KMT2E: variants seen among roughly 807,000 people sequenced by gnomAD.
KMT2E encodes the protein lysine methyltransferase 2E (inactive), also known as histone reader KMT2E.
In KMT2E, 30 loss-of-function variants were observed where a neutral mutation model predicts 184.6. The observed-to-expected ratio is 0.16, with a 90% confidence interval of 0.12 to 0.22. The LOEUF is 0.22. Among genes scored for constraint, KMT2E ranks in the 10% least tolerant of loss-of-function variants. The pLI is 1.00. For synonymous variants in KMT2E, 815 were observed against 776.5 expected (o/e 1.05, Z -0.82); for missense variants, 2,023 against 2,237.4 (o/e 0.90, Z 1.93).
At chr7:105,043,170 C>T (rs1795953020) in intron 3 of KMT2E, among the ~76,000 whole-genome samples, 1 of 152,008 alleles carries the variant, frequency 6.6e-6, no homozygotes, top group African/African-American at 2.4e-5. Flanking sequence ...TAAATGCCTC[C>T]TCAATTTAAT....
chr7:105,049,680 C>A (rs1314552113), intron 3 of KMT2E, among the ~76,000 whole-genome samples: 1 of 152,100 alleles, frequency 6.6e-6, no homozygotes, highest in Admixed American at 6.6e-5. Flanking sequence ...CACCTGAGAT[C>A]AGGAATTCGA....
chr7:105,113,429 C>A lies in KMT2E; in HGVS notation c.*96C>A, dbSNP rs1284750443. 3.8e-6 allele frequency: 5 copies of A among 1,321,080 alleles called. No homozygotes were observed. Among genetic ancestry groups the A allele is most frequent in the Non-Finnish European group, 5.0e-6 (5 of 992,478 alleles). 81.8% of individuals were successfully genotyped at this position (1,321,080 alleles called of 1,614,324 possible). On this transcript the variant is annotated 3_prime_UTR_variant, in exon 27 of 27. Transcript: ENST00000311117. ...GTACTTTTTAAAGCTTGTACATGAA[C>A]CTTTGTATAAAAAACACCAGTGCTC...
chr7:105,109,298 G>T, intron 23 of KMT2E, 70 bp downstream of exon 23: 1 of 1,476,502 alleles, frequency 6.8e-7, no homozygotes, highest in African/African-American at 1.4e-5. Flanking sequence ...CCTATTTGTT[G>T]TTCTCCCAAG....
chr7:105,099,897 A>G (rs1002847778), intron 15 of KMT2E, among the ~76,000 whole-genome samples: 1 of 152,230 alleles, frequency 6.6e-6, no homozygotes, highest in Non-Finnish European at 1.5e-5. Flanking sequence ...CCTCTTCTAC[A>G]TTCAGGGTTT....
rs753925318 is a variant in KMT2E at position 105,112,247 on chromosome 7, A to G, written c.4491A>G (p.Arg1497=). The G allele has an allele frequency of 6.2e-7, 1 of 1,614,146 alleles. No individual in the cohort carries two copies. Among genetic ancestry groups the G allele is most frequent in the East Asian group, 2.2e-5 (1 of 44,884 alleles). The change falls in exon 27 of 27, where the codon AGA becomes AGG. Residue 1497 remains arginine (R), a synonymous_variant. Transcript: ENST00000311117. ...GAACACCTCAGCGAGAGCCTCAAAG[A>G]AACTTTTATCCAGCAGCACAGAACC... ...QVGTPQREPQ[R]NFYPAAQNLP... is the part of the protein sequence containing the mutation.
At chr7:105,088,209 G>A (rs1392440293) in intron 13 of KMT2E, among the ~76,000 whole-genome samples, 5 of 152,098 alleles carry the variant, frequency 3.3e-5, no homozygotes, top group Non-Finnish European at 7.3e-5. Flanking sequence ...TCATCACTTT[G>A]TGCTGCATTA....
intron 12 of KMT2E, among the ~76,000 whole-genome samples, chr7:105,079,568 C>T (rs1367051733): frequency 8.9e-6 from 1 of 112,668 alleles, no homozygotes; most frequent in Non-Finnish European, 1.6e-5. Flanking sequence ...GTCTCCCAGG[C>T]TGGAGTGTGG....
intron 1 of KMT2E, among the ~76,000 whole-genome samples, chr7:105,024,809 G>A (rs894023838): frequency 9.9e-5 from 15 of 152,102 alleles, no homozygotes; most frequent in African/African-American, 3.6e-4. Context: ...TAAAAGGCAG[G>A]CCACTATTTT....
At chr7:105,064,886 A>C (rs1370863476) in intron 5 of KMT2E, among the ~76,000 whole-genome samples, 2 of 152,168 alleles carry the variant, frequency 1.3e-5, no homozygotes, top group East Asian at 3.9e-4. Flanking sequence ...GATAAATTAC[A>C]TACTTTGGTA....
chr7:105,110,937 A>G (rs2129570106), intron 26 of KMT2E, 69 bp downstream of exon 26: 2 of 1,056,158 alleles, frequency 1.9e-6, no homozygotes, highest in Middle Eastern at 2.0e-4. Context: ...TGATGGTTAT[A>G]ATATGCAGTG....
chr7:105,035,776 C>T (rs1313851541), intron 1 of KMT2E, among the ~76,000 whole-genome samples: 1 of 151,820 alleles, frequency 6.6e-6, no homozygotes, highest in Non-Finnish European at 1.5e-5. Context: ...CCAGGCTGGT[C>T]TCGAACTTCT....
intron 3 of KMT2E, among the ~76,000 whole-genome samples, chr7:105,056,570 C>A (rs530180584): frequency 6.6e-6 from 1 of 152,096 alleles, no homozygotes; most frequent in Non-Finnish European, 1.5e-5. Context: ...TAGTAAATTT[C>A]TTTTACTAGG....
At chr7:105,081,625 T>C in intron 12 of KMT2E, 63 bp from the exon 13 acceptor site, 1 of 820,010 alleles carries the variant, frequency 1.2e-6, no homozygotes, top group Non-Finnish European at 2.0e-6. Flanking sequence ...TTCAAAATTG[T>C]AAGCTGATGC....
chr7:105,093,365 C>T (rs1175249270), intron 15 of KMT2E, among the ~76,000 whole-genome samples: 2 of 152,050 alleles, frequency 1.3e-5, no homozygotes, highest in Non-Finnish European at 2.9e-5. Context: ...CTTAGAACAT[C>T]CTCATTTCCA....
chr7:105,097,602 G>T (rs1798466979), intron 15 of KMT2E, among the ~76,000 whole-genome samples: 1 of 152,114 alleles, frequency 6.6e-6, no homozygotes, highest in African/African-American at 2.4e-5. Context: ...GGCCAGGCTG[G>T]TCTTGAACTC....
intron 6 of KMT2E, among the ~76,000 whole-genome samples, chr7:105,070,915 T>A (rs1271921282): frequency 6.6e-6 from 1 of 152,198 alleles, no homozygotes; most frequent in Non-Finnish European, 1.5e-5. Flanking sequence ...TAAAGCAAGT[T>A]AGACTTGAAG....
chr7:105,018,470 C>T (rs1794807474), intron 1 of KMT2E, among the ~76,000 whole-genome samples: 1 of 152,190 alleles, frequency 6.6e-6, no homozygotes, highest in South Asian at 2.1e-4. Context: ...GAAGCAAACA[C>T]ATTTACATCT....
chr7:105,074,932 GTT>G, intron 8 of KMT2E, 117 bp downstream of exon 8: 1 of 699,118 alleles, frequency 1.4e-6, no homozygotes, highest in Non-Finnish European at 2.2e-6. Flanking sequence ...TCTAGCAGAA[GTT>G]TTTTATTTTT....
intron 3 of KMT2E, among the ~76,000 whole-genome samples, chr7:105,059,142 G>T (rs752444295): frequency 1.3e-5 from 2 of 152,154 alleles, no homozygotes; most frequent in Non-Finnish European, 2.9e-5. Flanking sequence ...TAACACTTCT[G>T]TCCTTACATT....
Sources: gnomAD v4.1 joint callset for allele counts (sites outside exome capture counted in the v4.1 genomes callset) on GRCh38, gnomAD v4.1.1 for gene constraint, MANE v1.5 for transcripts, NCBI Gene and HGNC (gene_info 2026-07-23, HGNC 2026-07-21) for gene names.